Variants in ERC2 observed in about 807,000 individuals in gnomAD.
The protein encoded by ERC2 is ELKS/RAB6-interacting/CAST family member 2.
Under a neutral mutation model 114.8 loss-of-function variants are expected in ERC2, and 42 were observed. The observed-to-expected ratio is 0.37, with a 90% CI of 0.29 to 0.47. ERC2 has a LOEUF of 0.47. Among genes scored for constraint, ERC2 ranks in the 20% least tolerant of loss-of-function variants. ERC2 has a pLI of 0.99. For missense variants in ERC2, 939 were observed against 1,150.7 expected, an observed-to-expected ratio of 0.82 and a Z score of 2.66; for synonymous variants, 454 against 425.5, an observed-to-expected ratio of 1.07 and a Z score of -0.82.
intron 15 of ERC2, among the ~76,000 whole-genome samples, chr3:55,733,014 C>T (rs2065354678): frequency 6.6e-6 from 1 of 152,118 alleles, no homozygotes; most frequent in Non-Finnish European, 1.5e-5. Context: ...ATGTATGCAT[C>T]GTAGCTGGAC....
chr3:56,226,139 A>G (rs1030211385), intron 3 of ERC2, among the ~76,000 whole-genome samples: 34 of 152,184 alleles, frequency 2.2e-4, no homozygotes, highest in African/African-American at 8.2e-4. Context: ...GATACAAATT[A>G]CCTACCTACA....
chr3:55,574,647 G>A lies in ERC2; in HGVS notation c.*40-63371C>T, dbSNP rs527993320. On this transcript the variant is annotated intron_variant, in intron 17 of 17. Transcript: ENST00000288221. ...CTGCATGTGTGCATTGAGGACAAGA[G>A]TCTTGTAGAGCCACTGAGGATTTAA... 1.8e-4 allele frequency among the ~76,000 whole-genome samples: 27 copies of A among 152,268 alleles called. No individual in the cohort carries two copies. The South Asian group carries it at 5.6e-3, about 32-fold the overall frequency.
At chr3:55,658,028 T>C (rs1254405130) in intron 17 of ERC2, 1 of 152,162 alleles carries the variant, frequency 6.6e-6, no homozygotes, top group Non-Finnish European at 1.5e-5. Context: ...GAGCCAGGAC[T>C]CAATAAGGGA....
At chr3:55,724,955 C>G (rs1393802258) in intron 15 of ERC2, among the ~76,000 whole-genome samples, 1 of 152,128 alleles carries the variant, frequency 6.6e-6, no homozygotes, top group African/African-American at 2.4e-5. Flanking sequence ...CAATAAGAGG[C>G]TTGGTAAAAC....
At chr3:55,726,807 T>G (rs1339268211) in intron 15 of ERC2, among the ~76,000 whole-genome samples, 1 of 152,234 alleles carries the variant, frequency 6.6e-6, no homozygotes, top group Non-Finnish European at 1.5e-5. Context: ...CTGGTCTTAA[T>G]GCCTTCCTGC....
At chr3:55,840,368 GA>G (rs2061078514) in intron 14 of ERC2, among the ~76,000 whole-genome samples, 1 of 151,848 alleles carries the variant, frequency 6.6e-6, no homozygotes, top group Admixed American at 6.6e-5. Context: ...TTAGGCACAT[GA>G]AAAAATGTTC....
intron 12 of ERC2, among the ~76,000 whole-genome samples, chr3:55,960,028 A>G (rs539893461): frequency 1.3e-5 from 2 of 152,260 alleles, no homozygotes; most frequent in Non-Finnish European, 2.9e-5. Context: ...ACAGGGAAAC[A>G]TTGCTCCTGC....
intron 2 of ERC2, among the ~76,000 whole-genome samples, chr3:56,353,217 C>T (rs1015833191): frequency 6.6e-5 from 10 of 152,042 alleles, no homozygotes; most frequent in African/African-American, 2.4e-4. Context: ...CAACTAGATA[C>T]TGAATTGTAT....
chr3:56,109,815 A>G (rs561025703), intron 6 of ERC2, among the ~76,000 whole-genome samples: 1 of 152,216 alleles, frequency 6.6e-6, no homozygotes, highest in Non-Finnish European at 1.5e-5. Context: ...AACAACAAAC[A>G]TCAAGGCGCA....
At chr3:56,459,310 A>C (rs1482122717) in intron 1 of ERC2, among the ~76,000 whole-genome samples, 2 of 152,242 alleles carry the variant, frequency 1.3e-5, no homozygotes, top group Non-Finnish European at 2.9e-5. Context: ...GGATCTGAGC[A>C]TATTCTTAAA....
rs186400331 is a variant in ERC2 at position 56,165,959 on chromosome 3, G to A, written c.1149+7487C>T. Among the ~76,000 whole-genome samples, 36 of 151,746 alleles carry A rather than the reference G, an allele frequency of 2.4e-4. No homozygotes were observed. The East Asian group carries it at 6.8e-3, about 29-fold the overall frequency. ...AGAAGTGATGGTAACTGGCATTCTT[G>A]TCTTATTCCTTATATCATAGAGAAA... On this transcript the variant is annotated intron_variant, in intron 4 of 17. Coordinates refer to ENST00000288221, the MANE Select transcript of ERC2 (RefSeq NM_015576.3).
chr3:55,758,997 C>T (rs148745398), intron 14 of ERC2, among the ~76,000 whole-genome samples: 273 of 152,264 alleles, frequency 1.8e-3, no homozygotes, highest in African/African-American at 6.3e-3. Context: ...AGATTACAGA[C>T]TCTGACTAAT....
intron 15 of ERC2, among the ~76,000 whole-genome samples, chr3:55,709,593 C>T (rs919421603): frequency 1.3e-5 from 2 of 152,180 alleles, no homozygotes; most frequent in Non-Finnish European, 2.9e-5. Flanking sequence ...GACGGAAGGA[C>T]GCTCTCCTTC....
chr3:56,425,976 C>T (rs1186334941), intron 2 of ERC2, among the ~76,000 whole-genome samples: 1 of 152,180 alleles, frequency 6.6e-6, no homozygotes, highest in African/African-American at 2.4e-5. Flanking sequence ...TTTGGCCTTT[C>T]TTTCATGGTT....
At chr3:56,158,212 A>C (rs768923314) in intron 4 of ERC2, among the ~76,000 whole-genome samples, 2 of 152,200 alleles carry the variant, frequency 1.3e-5, no homozygotes, top group Non-Finnish European at 2.9e-5. Context: ...GTCAGATAAG[A>C]AGAGTGAGAG....
chr3:55,730,131 T>C (rs870501), intron 15 of ERC2, among the ~76,000 whole-genome samples: 34,201 of 151,964 alleles, frequency 0.23, 4,495 homozygotes, highest in African/African-American at 0.33. Context: ...GCTCACAACA[T>C]TGCTTTAGGG....
rs1165200087 is a variant in ERC2 at position 55,510,869 on chromosome 3, G to A, written c.*447C>T. ...AGTGAACCAGCAGGATACTGGAGAT[G>A]AGGCTAGTTGTCCAACAGAAGCTGA... On this transcript the variant is annotated 3_prime_UTR_variant, in exon 18 of 18. Transcript: ENST00000288221. 1 of 152,194 alleles carries A rather than the reference G, an allele frequency of 6.6e-6. No homozygotes were observed. Among genetic ancestry groups the A allele is most frequent in the Non-Finnish European group, 1.5e-5 (1 of 68,040 alleles). 9.4% of individuals were successfully genotyped at this position (152,194 alleles called of 1,614,324 possible). A position where few individuals can be genotyped will look rare whatever the true frequency, so the allele number is the denominator to read the frequency against.
chr3:55,870,160 T>C (rs1410337611), intron 14 of ERC2, among the ~76,000 whole-genome samples: 2 of 152,044 alleles, frequency 1.3e-5, no homozygotes, highest in Non-Finnish European at 2.9e-5. Flanking sequence ...CTGCAACCTC[T>C]GCCTCCTGGG....
chr3:56,187,144 G>C (rs1158798048), intron 3 of ERC2, among the ~76,000 whole-genome samples: 2 of 152,132 alleles, frequency 1.3e-5, no homozygotes. Flanking sequence ...GAGGCAAGGG[G>C]GCTGGGCTTC....
Sources: gnomAD v4.1 joint callset for allele counts (sites outside exome capture counted in the v4.1 genomes callset) on GRCh38, gnomAD v4.1.1 for gene constraint, MANE v1.5 for transcripts, NCBI Gene and HGNC (gene_info 2026-07-23, HGNC 2026-07-21) for gene names.